The following ZNF169 variants were observed in gnomAD, a reference collection of about 807,000 sequenced individuals.
ZNF169 encodes zinc finger protein 169.
ZNF169 carries 11 observed loss-of-function variants against 12.0 expected under a neutral mutation model. The observed-to-expected ratio is 0.92, with a 90% CI of 0.58 to 1.52. The LOEUF (loss-of-function observed/expected upper bound fraction) is 1.52, where lower values mean the gene tolerates loss of function less well. ZNF169 is among the 40% of genes most tolerant of loss of function. The pLI is 0.00. For missense variants in ZNF169, 722 were observed against 744.0 expected (o/e 0.97, Z 0.34); for synonymous variants, 302 against 286.5 (o/e 1.05, Z -0.55).
chr9:94,300,610 G>A lies in ZNF169; in HGVS notation c.1052G>A (p.Cys351Tyr). ...LEEKPFVCPE[C>Y]GRGFCQKASL... ...GAGAAGCCCTTCGTGTGTCCTGAGT[G>A]TGGGAGAGGCTTTTGCCAGAAGGCA... is the stretch of plus-strand genomic sequence containing the variant. Residue 351 changes from cysteine (C) to tyrosine (Y), a missense_variant, in exon 5 of 5, where the codon TGT becomes TAT. Transcript: ENST00000395395. 16 of 1,614,238 alleles carry A rather than the reference G, an allele frequency of 9.9e-6. No homozygotes were observed. The highest frequency in any genetic ancestry group is 1.4e-5 in the Non-Finnish European group (16 of 1,180,036).
At chr9:94,281,875 CAGA>C (rs958019653) in intron 2 of ZNF169, among the ~76,000 whole-genome samples, 7 of 152,176 alleles carry the variant, frequency 4.6e-5, no homozygotes, top group Middle Eastern at 3.4e-3. Context: ...TTTTATTGTG[CAGA>C]AGAAGCTCTC....
chr9:94,291,809 G>A (rs1023275442), intron 2 of ZNF169, among the ~76,000 whole-genome samples: 1 of 152,156 alleles, frequency 6.6e-6, no homozygotes, highest in African/African-American at 2.4e-5. Context: ...AAATGTTGAT[G>A]AAAGAAATCA....
At position 94,284,009 on chromosome 9, in the gene ZNF169, T is replaced by C. The variant is rs548722736; in HGVS notation, c.33+5164T>C. Among the ~76,000 whole-genome samples, 14 of 144,352 alleles carry C rather than the reference T, an allele frequency of 9.7e-5. No individual in the cohort carries two copies. In the East Asian group the frequency reaches 2.8e-3, roughly 29 times the overall value. 94.7% of individuals were successfully genotyped at this position (144,352 alleles called of 152,430 possible). A position where few individuals can be genotyped will look rare whatever the true frequency, so the allele number is the denominator to read the frequency against. On this transcript the variant is annotated intron_variant, in intron 2 of 4. Coordinates refer to ENST00000395395, the MANE Select transcript of ZNF169 (RefSeq NM_194320.4). Reference sequence around the variant, plus strand: ...ATTGCTTGAACCCAGTAGATGGAGGTTGCAGTGAGCCGAGATTGCACTACT... The same window carrying C: ...ATTGCTTGAACCCAGTAGATGGAGGCTGCAGTGAGCCGAGATTGCACTACT...
intron 1 of ZNF169, among the ~76,000 whole-genome samples, chr9:94,264,412 C>A (rs10993123): frequency 6.6e-6 from 1 of 152,078 alleles, no homozygotes; most frequent in South Asian, 2.1e-4. Context: ...AGATTACAGA[C>A]GTGAGCCACC....
Position 94,274,912 on chromosome 9 carries a change from A to C in ZNF169, c.-55-3846A>C, listed in dbSNP as rs987321265. ...GCTTGCTGCTGCTGCCCAGCATTGC[A>C]AGCCCTGGAAAAGATTAAAATTCCA... On this transcript the variant is annotated intron_variant, in intron 1 of 4. Coordinates refer to ENST00000395395, the MANE Select transcript of ZNF169 (RefSeq NM_194320.4). Among the ~76,000 whole-genome samples, 14 of 152,138 alleles carry C rather than the reference A, an allele frequency of 9.2e-5. 1 individual carries two copies. Among genetic ancestry groups the C allele is most frequent in the South Asian group, 4.1e-4 (2 of 4,820 alleles).
At chr9:94,286,988 A>C (rs916892766) in intron 2 of ZNF169, among the ~76,000 whole-genome samples, 1 of 152,210 alleles carries the variant, frequency 6.6e-6, no homozygotes, top group Non-Finnish European at 1.5e-5. Context: ...GTTTGTACAC[A>C]CAATCAAGCA....
Position 94,301,256 on chromosome 9 carries a change from GGAGAAGCC to G in ZNF169, c.1700_1707del (p.Glu567ValfsTer11), listed in dbSNP as rs1180564669. The G allele has an allele frequency of 6.2e-7, 1 of 1,614,128 alleles. No individual in the cohort carries two copies. The highest frequency in any genetic ancestry group is 1.7e-5 in the Admixed American group (1 of 60,020). ...TCCGACATCAGCGGACCCATTCTGG[GGAGAAGCC>G]GTATGTCTGCAGGGAGTGTGGGCGT... On this transcript the variant is annotated frameshift_variant, in exon 5 of 5. Coordinates refer to ENST00000395395, the MANE Select transcript of ZNF169 (RefSeq NM_194320.4). LOFTEE classifies it low-confidence loss of function (END_TRUNC).
intron 1 of ZNF169, among the ~76,000 whole-genome samples, chr9:94,273,984 A>C (rs1000737627): frequency 6.6e-6 from 1 of 152,132 alleles, no homozygotes; most frequent in Non-Finnish European, 1.5e-5. Flanking sequence ...AAACAACAGA[A>C]ATTTTTTCTT....
intron 2 of ZNF169, among the ~76,000 whole-genome samples, chr9:94,284,483 T>G (rs2118614346): frequency 6.6e-6 from 1 of 152,316 alleles, no homozygotes; most frequent in South Asian, 2.1e-4. Flanking sequence ...GGTAGCAATT[T>G]TTTTATAACA....
intron 2 of ZNF169, among the ~76,000 whole-genome samples, chr9:94,291,905 G>A (rs1830847730): frequency 6.6e-6 from 1 of 152,216 alleles, no homozygotes; most frequent in Non-Finnish European, 1.5e-5. Flanking sequence ...TCACCAAATT[G>A]ATATACAGGT....
chr9:94,287,820 C>T, intron 2 of ZNF169: 4 of 1,122,116 alleles, frequency 3.6e-6, no homozygotes, highest in Non-Finnish European at 5.4e-6. Context: ...GTATCCTAAA[C>T]CTCTCAGGCT....
In ZNF169 at chr9:94,301,334, G is replaced by A. The variant is rs1185030598; in HGVS notation, c.1776G>A (p.Lys592=). ...KSHLHRHRRT[K]SGHQLLPQEV... Reference sequence around the variant, plus strand: ...ACTTGCATAGACACAGGAGGACCAAGTCTGGTCATCAGCTCCTACCCCAAG... The same window carrying A: ...ACTTGCATAGACACAGGAGGACCAAATCTGGTCATCAGCTCCTACCCCAAG... The change falls in exon 5 of 5, where the codon AAG becomes AAA. Residue 592 remains lysine (K), a synonymous_variant. Transcript: ENST00000395395. 1 of 1,614,018 alleles carries A rather than the reference G, an allele frequency of 6.2e-7. No homozygotes were observed. Among genetic ancestry groups the A allele is most frequent in the Admixed American group, 1.7e-5 (1 of 60,018 alleles).
chr9:94,273,575 C>CTTTTT lies in ZNF169; in HGVS notation c.-55-5180_-55-5179insTTTTT, dbSNP rs768421966. 6.4e-3 allele frequency among the ~76,000 whole-genome samples: 704 copies of CTTTTT among 109,728 alleles called. 3 individuals carry two copies. Among genetic ancestry groups the CTTTTT allele is most frequent in the Non-Finnish European group, 8.6e-3 (458 of 53,370 alleles). 72.0% of individuals were successfully genotyped at this position (109,728 alleles called of 152,430 possible). ...TTCATTTAAAGCTATAACTTTCTTT[C>CTTTTT]TTTCTTTTTTTTTTTTTTTTTGAGA... On this transcript the variant is annotated intron_variant, in intron 1 of 4. Coordinates refer to ENST00000395395, the MANE Select transcript of ZNF169 (RefSeq NM_194320.4).
chr9:94,284,716 T>C (rs1374112687), intron 2 of ZNF169, among the ~76,000 whole-genome samples: 1 of 152,162 alleles, frequency 6.6e-6, no homozygotes, highest in African/African-American at 2.4e-5. Flanking sequence ...AACTGCAAAA[T>C]ATTGCTGAAA....
chr9:94,286,966 C>T (rs1239402231), intron 2 of ZNF169, among the ~76,000 whole-genome samples: 1 of 152,084 alleles, frequency 6.6e-6, no homozygotes, highest in Non-Finnish European at 1.5e-5. Flanking sequence ...TAAAAAAGTC[C>T]CTTTCAGGTG....
intron 2 of ZNF169, among the ~76,000 whole-genome samples, chr9:94,285,270 T>C (rs1472187777): frequency 6.6e-6 from 1 of 152,076 alleles, no homozygotes; most frequent in Non-Finnish European, 1.5e-5. Flanking sequence ...ATATGGAAAT[T>C]TTAGAACTGA....
Position 94,301,622 on chromosome 9 carries a change from C to T in ZNF169, c.*252C>T, listed in dbSNP as rs77632545. ...ATGGAGGCTGGAAGTCCCAGATGAA[C>T]GTATTGGTAGGTTTGGCTGCTGCTT... On this transcript the variant is annotated 3_prime_UTR_variant, in exon 5 of 5. Transcript: ENST00000395395. Among the ~76,000 whole-genome samples, 6,841 of 152,188 alleles carry T rather than the reference C, an allele frequency of 0.045. 400 individuals are homozygous for T. The highest frequency in any genetic ancestry group is 0.2 in the East Asian group (1,050 of 5,172).
chr9:94,278,718 C>A, intron 1 of ZNF169, 40 bp from the exon 2 acceptor site: 5 of 1,228,712 alleles, frequency 4.1e-6, no homozygotes, highest in Non-Finnish European at 5.9e-6. Flanking sequence ...GAAGGGTGTT[C>A]TTCCCAAGTA....
intron 2 of ZNF169, among the ~76,000 whole-genome samples, chr9:94,279,940 C>G (rs1335992069): frequency 6.6e-6 from 1 of 152,188 alleles, no homozygotes; most frequent in African/African-American, 2.4e-5. Context: ...ACCAGCTAGG[C>G]AGCATGTGAA....
Sources: gnomAD v4.1 joint callset for allele counts (sites outside exome capture counted in the v4.1 genomes callset) on GRCh38, gnomAD v4.1.1 for gene constraint, MANE v1.5 for transcripts, NCBI Gene and HGNC (gene_info 2026-07-23, HGNC 2026-07-21) for gene names.